CLASP2: variants seen among roughly 807,000 people sequenced by gnomAD.
The protein encoded by CLASP2 is CLIP-associating protein 2.
Under a neutral mutation model 194.4 loss-of-function variants are expected in CLASP2, and 47 were observed. The ratio of observed to expected loss-of-function variants is 0.24; its 90% CI spans 0.19 to 0.31. CLASP2 has a LOEUF of 0.31. Ranked by LOEUF, CLASP2 falls within the 10% of genes least tolerant of loss-of-function variation. CLASP2 has a pLI of 1.00. For missense variants in CLASP2, 1,445 were observed against 1,823.6 expected, an observed-to-expected ratio of 0.79 and a Z score of 3.78; for synonymous variants, 619 against 633.5, an observed-to-expected ratio of 0.98 and a Z score of 0.34.
chr3:33,516,881 A>T, intron 35 of CLASP2, 100 bp downstream of exon 35: 491 of 867,336 alleles, frequency 5.7e-4, no homozygotes, highest in Non-Finnish European at 8.3e-4. Context: ...AGCAGAAGAG[A>T]TTCATTCTCC....
intron 13 of CLASP2, among the ~76,000 whole-genome samples, chr3:33,611,493 T>C (rs1019569228): frequency 1.4e-4 from 22 of 152,310 alleles, no homozygotes; most frequent in African/African-American, 4.1e-4. Flanking sequence ...ATGTTAAGAA[T>C]TGTAGAAACC....
chr3:33,646,542 G>C (rs941385176), intron 7 of CLASP2, among the ~76,000 whole-genome samples: 3 of 151,698 alleles, frequency 2.0e-5, no homozygotes. Flanking sequence ...AGCTAAGAAA[G>C]AGTAGACATA....
Position 33,688,319 on chromosome 3 carries a change from G to A in CLASP2, c.428C>T (p.Ser143Phe). ...ASGFKHKNFR[S>F]REGVCLCLIE... is the part of the protein sequence containing the mutation. ...AAGACACAGACACACGCCTTCTCGA[G>A]ATCGAAAATTCTTGTGTTTAAAACC... The change falls in exon 4 of 39, where the codon TCT becomes TTT. Residue 143 changes from serine to phenylalanine, a missense_variant. By Grantham distance (155) the Ser-to-Phe change is radical. Around this residue, in one of 4 missense-constraint regions of CLASP2, gnomAD observed 332 missense variants for 325.3 expected, o/e 1.02. Transcript: ENST00000682230. 6.3e-7 allele frequency: 1 copy of A among 1,593,336 alleles called. No homozygotes were observed. The highest frequency in any genetic ancestry group is 8.6e-7 in the Non-Finnish European group (1 of 1,168,970).
intron 10 of CLASP2, among the ~76,000 whole-genome samples, chr3:33,623,273 C>T (rs1256633859): frequency 2.0e-5 from 3 of 152,150 alleles, no homozygotes; most frequent in Non-Finnish European, 4.4e-5. Flanking sequence ...TAGGAACATT[C>T]CAATTCCACT....
intron 23 of CLASP2, chr3:33,577,288 C>T (rs781646252): frequency 1.6e-5 from 26 of 1,586,002 alleles, no homozygotes; most frequent in African/African-American, 5.4e-5. Context: ...ACCATACAAA[C>T]CTCATCTATT....
chr3:33,558,390 C>G (rs545562947), intron 29 of CLASP2: 2 of 152,080 alleles, frequency 1.3e-5, no homozygotes, highest in African/African-American at 4.8e-5. Flanking sequence ...AAAATCAATC[C>G]TGGGCAGTAA....
intron 32 of CLASP2, among the ~76,000 whole-genome samples, chr3:33,541,469 A>G (rs1237738466): frequency 6.6e-6 from 1 of 152,028 alleles, no homozygotes; most frequent in Non-Finnish European, 1.5e-5. Flanking sequence ...ATTTTTCCTG[A>G]TCCTCTCCCT....
chr3:33,701,451 C>G (rs1305050026), intron 1 of CLASP2, among the ~76,000 whole-genome samples: 1 of 152,188 alleles, frequency 6.6e-6, no homozygotes, highest in Non-Finnish European at 1.5e-5. Context: ...TTAAAAGTAG[C>G]TGGCCATGGT....
At position 33,717,975 on chromosome 3, in the gene CLASP2, A is replaced by G; in HGVS notation, c.28T>C (p.Cys10Arg). The G allele has an allele frequency of 1.3e-6, 2 of 1,538,386 alleles. No homozygotes were observed. Among genetic ancestry groups the G allele is most frequent in the Non-Finnish European group, 1.7e-6 (2 of 1,144,784 alleles). Residue 10 changes from cysteine to arginine, a missense_variant, in exon 1 of 39, where the codon TGC becomes CGC. Cys to Arg is a radical substitution (Grantham distance 180). Transcript: ENST00000682230. MEPRSMEYF[C>R]AQVQQKDVGG... ...ACGTCCTTCTGCTGCACCTGGGCGCAGAAGTACTCCATGCTGCGGGGCTCC... is the reference window on the plus strand; with the variant it reads ...ACGTCCTTCTGCTGCACCTGGGCGCGGAAGTACTCCATGCTGCGGGGCTCC...
intron 11 of CLASP2, among the ~76,000 whole-genome samples, chr3:33,621,620 T>C (rs1278776585): frequency 6.6e-6 from 1 of 152,176 alleles, no homozygotes; most frequent in Non-Finnish European, 1.5e-5. Flanking sequence ...GTAGGCACTT[T>C]TTGTTCCCTA....
chr3:33,552,138 A>G (rs1279017447), intron 29 of CLASP2, among the ~76,000 whole-genome samples: 7 of 122,770 alleles, frequency 5.7e-5, no homozygotes, highest in Non-Finnish European at 1.2e-4. Context: ...TTTTTTTTTG[A>G]GACAGAATCT....
chr3:33,709,692 C>T (rs1195328530), intron 1 of CLASP2, among the ~76,000 whole-genome samples: 2 of 152,210 alleles, frequency 1.3e-5, no homozygotes, highest in East Asian at 1.9e-4. Flanking sequence ...TTGATTTTAT[C>T]CCAATGAAAC....
At chr3:33,542,500 A>C (rs2058519337) in intron 32 of CLASP2, among the ~76,000 whole-genome samples, 1 of 149,614 alleles carries the variant, frequency 6.7e-6, no homozygotes, top group Non-Finnish European at 1.5e-5. Flanking sequence ...ATTATATAAA[A>C]ATGTAATAAA....
rs562479143 is a variant in CLASP2, at chr3:33,605,624, G to A, written c.1694+967C>T. 4.2e-4 allele frequency among the ~76,000 whole-genome samples: 64 copies of A among 152,188 alleles called. 2 individuals are homozygous for A. The South Asian group carries it at 0.013, about 31-fold the overall frequency. On this transcript the variant is annotated intron_variant, in intron 16 of 38. Coordinates refer to ENST00000682230, the MANE Select transcript of CLASP2 (RefSeq NM_001365631.1). ...AGATCCCAAAAAGAAAGAAATTACAGAGAAGTTTTTTGGAAACAGAGTCTC... is the reference window on the plus strand; with the variant it reads ...AGATCCCAAAAAGAAAGAAATTACAAAGAAGTTTTTTGGAAACAGAGTCTC...
Position 33,510,624 on chromosome 3 carries a change from C to T in CLASP2, c.4251G>A (p.Val1417=). The T allele has an allele frequency of 1.9e-6, 3 of 1,613,864 alleles. No individual in the cohort carries two copies. In the South Asian group the frequency reaches 3.3e-5, roughly 18 times the overall value. The stretch of plus-strand genomic sequence containing the variant: ...GGGTTTCCTTGGACACTCTCTCTAT[C>T]ACTTTTGTTTGCATTTTGATTGCAG... The part of the protein sequence containing the change: ...NLAAIKMQTK[V]IERVSKETLN... The change falls in exon 37 of 39, where the codon GTG becomes GTA. Residue 1417 remains valine, a synonymous_variant. Coordinates refer to ENST00000682230, the MANE Select transcript of CLASP2 (RefSeq NM_001365631.1).
rs201146515 is a variant in CLASP2, at chr3:33,711,257, T to TG, written c.195+6550_195+6551insC. On this transcript the variant is annotated intron_variant, in intron 1 of 38. Coordinates refer to ENST00000682230, the MANE Select transcript of CLASP2 (RefSeq NM_001365631.1). ...TTAACCAGTATTGCATTTTTTTTTTTTTTTTTGAGACGAAATCTCATTCTC... is the reference window on the plus strand; with the variant it reads ...TTAACCAGTATTGCATTTTTTTTTTTGTTTTTTGAGACGAAATCTCATTCTC... Among the ~76,000 whole-genome samples, 1,082 of 151,436 alleles carry TG rather than the reference T, an allele frequency of 7.1e-3. 15 individuals are homozygous for TG. The highest frequency in any genetic ancestry group is 0.024 in the African/African-American group (988 of 41,220).
At chr3:33,602,921 T>C (rs961324847) in intron 18 of CLASP2, 31 bp downstream of exon 18, 5 of 1,585,830 alleles carry the variant, frequency 3.2e-6, no homozygotes, top group Non-Finnish European at 3.4e-6. Context: ...GGAGAGAACA[T>C]GGTACAATTT....
intron 10 of CLASP2, among the ~76,000 whole-genome samples, chr3:33,623,093 G>C (rs1157134883): frequency 1.3e-5 from 2 of 152,210 alleles, no homozygotes; most frequent in East Asian, 3.9e-4. Context: ...ACTACATCTG[G>C]CCTGCTGTTG....
intron 9 of CLASP2, among the ~76,000 whole-genome samples, chr3:33,630,235 C>G (rs2078818771): frequency 6.6e-6 from 1 of 152,108 alleles, no homozygotes; most frequent in Admixed American, 6.6e-5. Context: ...ACTGTCATAG[C>G]CTCACAATAA....
Sources: gnomAD v4.1 joint callset for allele counts (sites outside exome capture counted in the v4.1 genomes callset) on GRCh38, gnomAD v4.1.1 for gene constraint, gnomAD v4.1.1 regional missense constraint, MANE v1.5 for transcripts, NCBI Gene and HGNC (gene_info 2026-07-23, HGNC 2026-07-21) for gene names.